The following ROS1 variants were observed in gnomAD, a reference collection of about 807,000 sequenced individuals.
ROS1 encodes the protein proto-oncogene tyrosine-protein kinase ROS.
ROS1 carries 263 observed loss-of-function variants against 273.5 expected under a neutral mutation model. That is an observed-to-expected ratio of 0.96 (90% CI 0.87 to 1.06). The LOEUF is 1.06. ROS1 is among the 50% of genes least tolerant of loss of function. ROS1 has a pLI of 0.00. For missense variants in ROS1, 2,833 were observed against 2,751.1 expected, an observed-to-expected ratio of 1.03 and a Z score of -0.67; for synonymous variants, 1,008 against 954.1, an observed-to-expected ratio of 1.06 and a Z score of -1.04.
chr6:117,423,208 G>A (rs1582916000), intron 1 of ROS1, among the ~76,000 whole-genome samples: 1 of 152,028 alleles, frequency 6.6e-6, no homozygotes, highest in African/African-American at 2.4e-5. Flanking sequence ...ATATGGTGTA[G>A]TGTATACATG....
intron 17 of ROS1, among the ~76,000 whole-genome samples, chr6:117,380,154 C>A (rs1207698371): frequency 6.6e-6 from 1 of 152,084 alleles, no homozygotes. Flanking sequence ...TGTAACATAC[C>A]TAGAAGCTGT....
Position 117,327,008 on chromosome 6 carries a change from T to C in ROS1, c.5349-594A>G, listed in dbSNP as rs554116635. 5.9e-5 allele frequency among the ~76,000 whole-genome samples: 9 copies of C among 152,322 alleles called. No individual in the cohort carries two copies. In the South Asian group the frequency reaches 1.9e-3, roughly 32 times the overall value. ...AAGGGCTGGGTTCAAAAGACATAACTGGAATGACTTTTTACAGAATCATCA... is the reference window on the plus strand; with the variant it reads ...AAGGGCTGGGTTCAAAAGACATAACCGGAATGACTTTTTACAGAATCATCA... On this transcript the variant is annotated intron_variant, in intron 33 of 43. Coordinates refer to ENST00000368507, the MANE Select transcript of ROS1 (RefSeq NM_001378902.1).
chr6:117,386,377 T>A (rs1772580538), intron 15 of ROS1, among the ~76,000 whole-genome samples: 1 of 152,252 alleles, frequency 6.6e-6, no homozygotes, highest in Non-Finnish European at 1.5e-5. Flanking sequence ...GAAGATGTCA[T>A]CTTCAGGCAA....
intron 22 of ROS1, among the ~76,000 whole-genome samples, chr6:117,361,092 C>G (rs553540382): frequency 6.6e-6 from 1 of 152,194 alleles, no homozygotes; most frequent in African/African-American, 2.4e-5. Context: ...GTAAGTAACT[C>G]ATGCACAATG....
intron 5 of ROS1, among the ~76,000 whole-genome samples, chr6:117,404,715 C>T (rs1210117472): frequency 6.6e-6 from 1 of 152,060 alleles, no homozygotes; most frequent in Admixed American, 6.6e-5. Flanking sequence ...CTGAGCTGTC[C>T]AGTTTTCTCT....
intron 4 of ROS1, among the ~76,000 whole-genome samples, chr6:117,410,805 G>T (rs3798393): frequency 1.4e-4 from 22 of 152,058 alleles, no homozygotes; most frequent in Non-Finnish European, 2.6e-4. Context: ...CTAAAAGGAA[G>T]GGTGCCTGAT....
intron 27 of ROS1, 107 bp from the exon 28 acceptor site, chr6:117,344,369 G>T: frequency 1.4e-6 from 1 of 728,394 alleles, no homozygotes; most frequent in South Asian, 2.2e-5. Flanking sequence ...AATTTGTAGA[G>T]CATACATAAC....
intron 4 of ROS1, among the ~76,000 whole-genome samples, chr6:117,410,592 A>C (rs1010109176): frequency 6.6e-5 from 10 of 152,214 alleles, no homozygotes; most frequent in African/African-American, 2.4e-4. Context: ...ACACACACAC[A>C]TACTTGCAGA....
In ROS1 at chr6:117,399,549, T is replaced by C. The variant is rs74958664; in HGVS notation, c.605-2433A>G. On this transcript the variant is annotated intron_variant, in intron 7 of 43. Transcript: ENST00000368507. ...CTTAGGTCCAAGGCCTAGTTCAGCC[T>C]GAGGCTCTCTGCACATAGGCACATC... Among the ~76,000 whole-genome samples, 785 of 152,314 alleles carry C rather than the reference T, an allele frequency of 5.2e-3. 3 individuals carry two copies. Among genetic ancestry groups the C allele is most frequent in the Non-Finnish European group, 8.6e-3 (586 of 68,020 alleles).
chr6:117,390,246 A>C (rs1314472838), intron 12 of ROS1, among the ~76,000 whole-genome samples: 2 of 152,218 alleles, frequency 1.3e-5, no homozygotes, highest in Admixed American at 1.3e-4. Context: ...CCCACACCTC[A>C]GTATCCCATG....
intron 33 of ROS1, 34 bp downstream of exon 33, chr6:117,329,295 T>C (rs748000793): frequency 9.5e-6 from 9 of 943,636 alleles, no homozygotes; most frequent in African/African-American, 3.3e-5. Flanking sequence ...TCTTAGTTCT[T>C]TGTCATTTAC....
Position 117,308,824 on chromosome 6 carries a change from A to G in ROS1, c.6521T>C (p.Leu2174Pro). 1.2e-6 allele frequency: 2 copies of G among 1,613,218 alleles called. No homozygotes were observed. The highest frequency in any genetic ancestry group is 1.1e-5 in the South Asian group (1 of 90,996). Reference sequence around the variant, plus strand: ...ATCAGGACAATTTCTTGGTGGCTCCAGTCTCCCTCCTGTTTGCACATAGTT... The same window carrying G: ...ATCAGGACAATTTCTTGGTGGCTCCGGTCTCCCTCCTGTTTGCACATAGTT... ...VLNYVQTGGR[L>P]EPPRNCPDDL... Residue 2174 changes from leucine to proline, a missense_variant, in exon 42 of 44, where the codon CTG becomes CCG. Leu to Pro is a moderately conservative substitution (Grantham distance 98). Coordinates refer to ENST00000368507, the MANE Select transcript of ROS1 (RefSeq NM_001378902.1).
At position 117,360,301 on chromosome 6, in the gene ROS1, C is replaced by A; in HGVS notation, c.3430+41G>T. The A allele has an allele frequency of 3.5e-6, 5 of 1,441,554 alleles. No individual in the cohort carries two copies. In the East Asian group the frequency reaches 9.2e-5, roughly 26 times the overall value. 89.3% of individuals were successfully genotyped at this position (1,441,554 alleles called of 1,614,324 possible). A position where few individuals can be genotyped will look rare whatever the true frequency, so the allele number is the denominator to read the frequency against. ...ACACACACACACACACACACACACG[C>A]CTCTAAATTATTATTTGCACAGATT... On this transcript the variant is annotated intron_variant, in intron 23 of 43. Transcript: ENST00000368507.
chr6:117,341,661 G>T, intron 29 of ROS1, 29 bp from the exon 30 acceptor site: 1 of 1,539,944 alleles, frequency 6.5e-7, no homozygotes, highest in Non-Finnish European at 9.0e-7. Context: ...AATGATAAAG[G>T]ATGCTGCAAT....
chr6:117,389,393 C>T lies in ROS1; in HGVS notation c.1743G>A (p.Gln581=). The T allele has an allele frequency of 6.2e-7, 1 of 1,614,136 alleles. No individual in the cohort carries two copies. The highest frequency in any genetic ancestry group is 8.5e-7 in the Non-Finnish European group (1 of 1,180,022). ...QELSVLFGSH[Q]ALVQWKPPAL... ...CAGGAGGCTTCCATTGAACAAGAGC[C>T]TGGTGAGAGCCAAACAGCACCGAAA... Residue 581 remains glutamine, a synonymous_variant, in exon 13 of 44, where the codon CAG becomes CAA. Transcript: ENST00000368507.
At chr6:117,393,444 G>A in intron 11 of ROS1, 123 bp from the exon 12 acceptor site, 1 of 652,958 alleles carries the variant, frequency 1.5e-6, no homozygotes, top group African/African-American at 1.8e-5. Context: ...CACTGCCCAA[G>A]ACAAATGAGC....
chr6:117,373,815 G>A (rs1781088587), intron 18 of ROS1, among the ~76,000 whole-genome samples: 2 of 152,314 alleles, frequency 1.3e-5, no homozygotes, highest in Non-Finnish European at 2.9e-5. Context: ...AGTGAGCGAG[G>A]GCTGCTAGCA....
At chr6:117,331,186 G>A (rs1359055042) in intron 32 of ROS1, among the ~76,000 whole-genome samples, 5 of 152,148 alleles carry the variant, frequency 3.3e-5, no homozygotes, top group South Asian at 4.1e-4. Flanking sequence ...CAAGAACTTC[G>A]TGAAGCATAC....
At chr6:117,326,470 G>T (rs2128582558) in intron 33 of ROS1, 56 bp from the exon 34 acceptor site, 2 of 1,085,804 alleles carry the variant, frequency 1.8e-6, no homozygotes, top group Non-Finnish European at 2.6e-6. Context: ...GTTATTTCTA[G>T]TTGTTCATAG....
Sources: gnomAD v4.1 joint callset for allele counts (sites outside exome capture counted in the v4.1 genomes callset) on GRCh38, gnomAD v4.1.1 for gene constraint, MANE v1.5 for transcripts, NCBI Gene and HGNC (gene_info 2026-07-23, HGNC 2026-07-21) for gene names.